PLD5: variants seen among roughly 807,000 people sequenced by gnomAD.
PLD5 encodes phospholipase D family member 5.
In PLD5, 36 loss-of-function variants were observed where a neutral mutation model predicts 61.1. The ratio of observed to expected loss-of-function variants is 0.59; its 90% CI spans 0.45 to 0.78. The LOEUF is 0.78. PLD5 is among the 30% of genes least tolerant of loss of function. The probability of loss-of-function intolerance (pLI) is 0.00; values close to 1 mark genes in which losing one functional copy is unlikely to be tolerated. For missense variants in PLD5, 515 were observed against 644.4 expected (o/e 0.80, Z 2.17); for synonymous variants, 243 against 242.8 (o/e 1.00, Z -0.01).
chr1:242,439,659 A>G (rs769503298), intron 1 of PLD5, among the ~76,000 whole-genome samples: 5 of 152,238 alleles, frequency 3.3e-5, no homozygotes, highest in Non-Finnish European at 7.3e-5. Context: ...TGGCTGCTCT[A>G]TCTGGCCATC....
chr1:242,278,416 A>G (rs1674532658), intron 3 of PLD5, among the ~76,000 whole-genome samples: 1 of 152,238 alleles, frequency 6.6e-6, no homozygotes, highest in African/African-American at 2.4e-5. Flanking sequence ...TACTAATGAT[A>G]ATGCTTATGA....
chr1:242,325,447 G>T (rs1367529657), intron 2 of PLD5, among the ~76,000 whole-genome samples: 6 of 134,918 alleles, frequency 4.4e-5, no homozygotes, highest in Non-Finnish European at 9.6e-5. Flanking sequence ...GGGAGAGAGA[G>T]ATTGGGAGAG....
chr1:242,378,923 C>A (rs952783396), intron 1 of PLD5, among the ~76,000 whole-genome samples: 2 of 152,110 alleles, frequency 1.3e-5, no homozygotes, highest in Admixed American at 6.6e-5. Flanking sequence ...AAGGTTTGAA[C>A]TTTATCAGCT....
At chr1:242,106,545 G>T (rs140672385) in intron 8 of PLD5, among the ~76,000 whole-genome samples, 50 of 152,304 alleles carry the variant, frequency 3.3e-4, no homozygotes, top group African/African-American at 1.2e-3. Context: ...GCATGGCCAT[G>T]TGAAAGCTAT....
intron 1 of PLD5, among the ~76,000 whole-genome samples, chr1:242,390,974 C>T (rs141941782): frequency 3.5e-4 from 54 of 152,116 alleles, no homozygotes; most frequent in Middle Eastern, 3.4e-3. Context: ...AGGCGGATCA[C>T]GAGGTCAGGA....
intron 1 of PLD5, among the ~76,000 whole-genome samples, chr1:242,446,698 A>C (rs181470591): frequency 6.6e-6 from 1 of 152,350 alleles, no homozygotes; most frequent in African/African-American, 2.4e-5. Context: ...TAGGAACATA[A>C]GGTGTTCGTG....
chr1:242,367,435 T>C (rs1837401), intron 1 of PLD5, among the ~76,000 whole-genome samples: 150,419 of 152,238 alleles, frequency 0.99, 74,337 homozygotes, highest in Non-Finnish European at 1. Context: ...CCTCCTACCC[T>C]GTCCTTCTGC....
At chr1:242,159,931 A>G (rs2148840781) in intron 5 of PLD5, among the ~76,000 whole-genome samples, 1 of 152,264 alleles carries the variant, frequency 6.6e-6, no homozygotes, top group Admixed American at 6.5e-5. Context: ...TATATTCCAG[A>G]GAGGCTGCAT....
chr1:242,485,391 A>G (rs1298717688), intron 1 of PLD5, among the ~76,000 whole-genome samples: 1 of 152,138 alleles, frequency 6.6e-6, no homozygotes, highest in East Asian at 1.9e-4. Context: ...TCAATGTGCA[A>G]AAATCACAAG....
At chr1:242,140,820 C>T (rs1664106674) in intron 5 of PLD5, among the ~76,000 whole-genome samples, 1 of 152,006 alleles carries the variant, frequency 6.6e-6, no homozygotes, top group African/African-American at 2.4e-5. Flanking sequence ...AGAGGATGGG[C>T]TGCATAGACC....
At chr1:242,504,574 A>G (rs1668661340) in intron 1 of PLD5, among the ~76,000 whole-genome samples, 1 of 132,422 alleles carries the variant, frequency 7.6e-6, no homozygotes, top group South Asian at 2.2e-4. Flanking sequence ...CCATCCATGA[A>G]AGCATTTTTT....
chr1:242,174,312 T>C (rs10429920), intron 5 of PLD5, among the ~76,000 whole-genome samples: 17,010 of 151,964 alleles, frequency 0.11, 1,538 homozygotes, highest in East Asian at 0.42. Flanking sequence ...TCATCATCAC[T>C]GGCCATCAGA....
intron 3 of PLD5, among the ~76,000 whole-genome samples, chr1:242,267,346 A>C (rs1673748840): frequency 6.6e-6 from 1 of 152,166 alleles, no homozygotes; most frequent in African/African-American, 2.4e-5. Context: ...GCTGGCTGGC[A>C]TAGCCATTGC....
chr1:242,436,968 C>T (rs1666024762), intron 1 of PLD5, among the ~76,000 whole-genome samples: 1 of 152,128 alleles, frequency 6.6e-6, no homozygotes, highest in African/African-American at 2.4e-5. Context: ...CATCAGACAA[C>T]GTATGGTTAG....
chr1:242,416,099 T>C (rs1367132151), intron 1 of PLD5, among the ~76,000 whole-genome samples: 2 of 151,940 alleles, frequency 1.3e-5, no homozygotes, highest in Non-Finnish European at 2.9e-5. Context: ...TATTGGCTAC[T>C]GTTTTCTAAG....
intron 1 of PLD5, among the ~76,000 whole-genome samples, chr1:242,509,193 A>G (rs1456406880): frequency 2.0e-5 from 3 of 152,050 alleles, no homozygotes; most frequent in African/African-American, 7.2e-5. Context: ...CCTGGGCAAC[A>G]AGGTGAAACC....
chr1:242,110,960 A>T (rs1279263860), intron 7 of PLD5, among the ~76,000 whole-genome samples: 1 of 152,236 alleles, frequency 6.6e-6, no homozygotes, highest in Admixed American at 6.5e-5. Context: ...TGAAGAAATA[A>T]ATAATGAACA....
chr1:242,352,010 C>G (rs1035827730), intron 1 of PLD5, among the ~76,000 whole-genome samples: 3 of 152,086 alleles, frequency 2.0e-5, no homozygotes, highest in Non-Finnish European at 2.9e-5. Flanking sequence ...TCGGTAGAAT[C>G]ATAAGTTATA....
chr1:242,235,017 G>A (rs1470573492), intron 4 of PLD5, among the ~76,000 whole-genome samples: 1 of 152,198 alleles, frequency 6.6e-6, no homozygotes, highest in Non-Finnish European at 1.5e-5. Context: ...TGAAATAAGA[G>A]AGGAAGTATG....
Sources: gnomAD v4.1 joint callset for allele counts (sites outside exome capture counted in the v4.1 genomes callset) on GRCh38, gnomAD v4.1.1 for gene constraint, MANE v1.5 for transcripts, NCBI Gene and HGNC (gene_info 2026-07-23, HGNC 2026-07-21) for gene names.